Variants in ADK observed in about 807,000 individuals in gnomAD.
ADK encodes the protein adenosine kinase, also known as N6,N6-dimethyladenosine kinase.
In ADK, 24 loss-of-function variants were observed where a neutral mutation model predicts 44.7. The ratio of observed to expected loss-of-function variants is 0.54; its 90% CI spans 0.39 to 0.76. ADK has a LOEUF of 0.76. Ranked by LOEUF, ADK falls within the 30% of genes least tolerant of loss-of-function variation. The pLI, the probability that ADK is intolerant of heterozygous loss-of-function variation, is 0.00. For missense variants in ADK, 321 were observed against 425.1 expected, an observed-to-expected ratio of 0.76 and a Z score of 2.15; for synonymous variants, 128 against 142.6, an observed-to-expected ratio of 0.90 and a Z score of 0.73.
chr10:74,490,104 T>C (rs570839852), intron 6 of ADK, among the ~76,000 whole-genome samples: 1 of 152,186 alleles, frequency 6.6e-6, no homozygotes, highest in South Asian at 2.1e-4. Context: ...TGCTTTAAAA[T>C]TCCTTCCCTT....
intron 3 of ADK, among the ~76,000 whole-genome samples, chr10:74,312,672 T>A (rs1840476087): frequency 6.6e-6 from 1 of 150,634 alleles, no homozygotes; most frequent in Non-Finnish European, 1.5e-5. Flanking sequence ...TTTGGGAGGC[T>A]GAGGTGGGAG....
At chr10:74,356,003 T>TTTTG (rs1842128118) in intron 4 of ADK, among the ~76,000 whole-genome samples, 1 of 30,656 alleles carries the variant, frequency 3.3e-5, no homozygotes, top group African/African-American at 1.1e-4. Context: ...AAATAATTCA[T>TTTTG]TTTTTTTTTT....
intron 7 of ADK, among the ~76,000 whole-genome samples, chr10:74,530,989 A>C (rs1343011063): frequency 6.6e-6 from 1 of 152,188 alleles, no homozygotes; most frequent in African/African-American, 2.4e-5. Context: ...TGGAGCCGGA[A>C]GTTCAAGGAG....
At chr10:74,503,011 A>C (rs964374587) in intron 6 of ADK, among the ~76,000 whole-genome samples, 1 of 152,178 alleles carries the variant, frequency 6.6e-6, no homozygotes, top group African/African-American at 2.4e-5. Context: ...ATTAATATTT[A>C]TCTCCAATGT....
intron 1 of ADK, among the ~76,000 whole-genome samples, chr10:74,186,218 TTCCCTTCCCC>T (rs1367251306): frequency 4.8e-5 from 2 of 41,984 alleles, no homozygotes; most frequent in Non-Finnish European, 8.7e-5. Flanking sequence ...TTCCCTTCCT[TTCCCTTCCCC>T]TCCTTTCCCT....
intron 4 of ADK, among the ~76,000 whole-genome samples, chr10:74,373,810 C>T (rs1355916205): frequency 1.3e-5 from 2 of 151,970 alleles, no homozygotes; most frequent in Non-Finnish European, 2.9e-5. Flanking sequence ...GGTATATACA[C>T]AAGACAAATG....
chr10:74,552,632 A>G (rs1850075487), intron 7 of ADK, among the ~76,000 whole-genome samples: 1 of 151,412 alleles, frequency 6.6e-6, no homozygotes, highest in South Asian at 2.1e-4. Flanking sequence ...TAAGGATACC[A>G]TTAAGATAAT....
intron 6 of ADK, among the ~76,000 whole-genome samples, chr10:74,427,197 T>G (rs2133061506): frequency 6.6e-6 from 1 of 152,116 alleles, no homozygotes; most frequent in South Asian, 2.1e-4. Flanking sequence ...TAGGTTTATT[T>G]TATTTTATTT....
intron 3 of ADK, among the ~76,000 whole-genome samples, chr10:74,262,354 A>G (rs1210850746): frequency 2.7e-5 from 4 of 150,760 alleles, no homozygotes; most frequent in African/African-American, 9.7e-5. Flanking sequence ...CACATATATT[A>G]TCTTTTTTGC....
chr10:74,609,699 A>C (rs988807542), intron 9 of ADK, among the ~76,000 whole-genome samples: 1 of 152,078 alleles, frequency 6.6e-6, no homozygotes, highest in Non-Finnish European at 1.5e-5. Flanking sequence ...CTTGCCAGCC[A>C]CCCAAACCTA....
chr10:74,552,721 TAAGACAAATC>T (rs1850078658), intron 7 of ADK, among the ~76,000 whole-genome samples: 1 of 151,734 alleles, frequency 6.6e-6, no homozygotes, highest in Admixed American at 6.6e-5. Context: ...AAATCAATAA[TAAGACAAATC>T]AATAGACAAA....
At chr10:74,650,019 A>G (rs889029479) in intron 9 of ADK, among the ~76,000 whole-genome samples, 1 of 152,190 alleles carries the variant, frequency 6.6e-6, no homozygotes, top group African/African-American at 2.4e-5. Flanking sequence ...CATTGCTATC[A>G]GAAATGTGAA....
intron 5 of ADK, among the ~76,000 whole-genome samples, chr10:74,397,042 G>A (rs550444376): frequency 6.6e-6 from 1 of 152,008 alleles, no homozygotes; most frequent in African/African-American, 2.4e-5. Context: ...TATCAGAATA[G>A]AGTTTAGTAT....
intron 6 of ADK, among the ~76,000 whole-genome samples, chr10:74,424,725 G>T (rs1407104118): frequency 3.3e-5 from 5 of 151,314 alleles, no homozygotes; most frequent in African/African-American, 1.2e-4. Context: ...TGTCATATTT[G>T]CTGTGTTCTG....
At chr10:74,355,404 ATAACGT>A (rs1842100135) in intron 4 of ADK, among the ~76,000 whole-genome samples, 1 of 152,264 alleles carries the variant, frequency 6.6e-6, no homozygotes, top group Non-Finnish European at 1.5e-5. Flanking sequence ...CAGATAGTAC[ATAACGT>A]ATATACTTAG....
intron 1 of ADK, among the ~76,000 whole-genome samples, chr10:74,191,105 G>A (rs1842939019): frequency 6.6e-6 from 1 of 151,128 alleles, no homozygotes; most frequent in African/African-American, 2.4e-5. Flanking sequence ...TTCAGCCTCT[G>A]GAGTATCTGG....
At chr10:74,251,777 A>G (rs1407550738) in intron 3 of ADK, among the ~76,000 whole-genome samples, 2 of 152,124 alleles carry the variant, frequency 1.3e-5, no homozygotes, top group African/African-American at 4.8e-5. Context: ...CTTTCCTGTA[A>G]TCAGATTTAT....
intron 10 of ADK, among the ~76,000 whole-genome samples, chr10:74,703,966 C>CT (rs1297720560): frequency 1.3e-5 from 2 of 152,074 alleles, no homozygotes; most frequent in African/African-American, 2.4e-5. Context: ...ATTCCTGCAA[C>CT]TTTTTTCTGA....
At chr10:74,499,355 A>G (rs1847807866) in intron 6 of ADK, among the ~76,000 whole-genome samples, 1 of 152,184 alleles carries the variant, frequency 6.6e-6, no homozygotes, top group Non-Finnish European at 1.5e-5. Context: ...TAAAGACCCT[A>G]TGAAAAGTTT....
Sources: allele counts gnomAD v4.1 joint callset (sites outside exome capture counted in the v4.1 genomes callset), GRCh38; gene constraint gnomAD v4.1.1; transcripts MANE v1.5; gene names NCBI Gene and HGNC (gene_info 2026-07-23, HGNC 2026-07-21).